Variants in PEX5L observed in about 807,000 individuals in gnomAD.
The protein encoded by PEX5L is PEX5-related protein.
In PEX5L, 30 loss-of-function variants were observed where a neutral mutation model predicts 84.0. The ratio of observed to expected loss-of-function variants is 0.36; its 90% CI spans 0.27 to 0.48. The LOEUF is 0.48. Ranked by LOEUF, PEX5L falls within the 20% of genes least tolerant of loss-of-function variation. The pLI is 0.99. For missense variants in PEX5L, 533 were observed against 754.6 expected (o/e 0.71, Z 3.44); for synonymous variants, 270 against 283.1 (o/e 0.95, Z 0.46).
intron 1 of PEX5L, among the ~76,000 whole-genome samples, chr3:180,034,149 T>A (rs1489901017): frequency 6.6e-6 from 1 of 152,196 alleles, no homozygotes; most frequent in African/African-American, 2.4e-5. Flanking sequence ...TACTTCAAAC[T>A]GCTAATTTAC....
chr3:179,911,205 G>A (rs1453361285), intron 2 of PEX5L, among the ~76,000 whole-genome samples: 4 of 152,160 alleles, frequency 2.6e-5, no homozygotes, highest in Non-Finnish European at 5.9e-5. Flanking sequence ...CAGTTGTCAA[G>A]TGCCTGCCTT....
At chr3:180,027,838 C>T (rs1366085559) in intron 1 of PEX5L, among the ~76,000 whole-genome samples, 2 of 152,098 alleles carry the variant, frequency 1.3e-5, no homozygotes, top group Non-Finnish European at 2.9e-5. Flanking sequence ...TTTTTCATGA[C>T]ATTGATATTT....
At chr3:179,973,070 G>T in intron 1 of PEX5L, 7 of 658,070 alleles carry the variant, frequency 1.1e-5, no homozygotes, top group East Asian at 1.1e-4. Context: ...TATTCTTTTT[G>T]TTCACTGGTT....
chr3:179,801,878 T>C lies in PEX5L; in HGVS notation c.1831A>G (p.Asn611Asp). The C allele has an allele frequency of 2.5e-6, 4 of 1,614,108 alleles. No homozygotes were observed. The highest frequency in any genetic ancestry group is 3.4e-6 in the Non-Finnish European group (4 of 1,179,962). Reference protein sequence around the residue: ...MDQPELFQAANLGDLDVLLRA... With the variant: ...MDQPELFQAADLGDLDVLLRA... Reference sequence around the variant, plus strand: ...AAGAGGACATCCAGGTCACCAAGATTAGCCGCCTGGAAGAGTTCTGGTTGG... The same window carrying C: ...AAGAGGACATCCAGGTCACCAAGATCAGCCGCCTGGAAGAGTTCTGGTTGG... The change falls in exon 15 of 15, where the codon AAT becomes GAT. Residue 611 changes from asparagine to aspartate, a missense_variant. Around this residue, in one of 8 missense-constraint regions of PEX5L, gnomAD observed 105 missense variants for 204.6 expected, o/e 0.51. Coordinates refer to ENST00000467460, the MANE Select transcript of PEX5L (RefSeq NM_016559.3).
chr3:179,816,095 A>G, intron 9 of PEX5L, 91 bp from the exon 10 acceptor site: 11 of 1,267,650 alleles, frequency 8.7e-6, no homozygotes, highest in Middle Eastern at 1.9e-4. Flanking sequence ...TCAGGAAACA[A>G]CAGATGCTGG....
At chr3:179,893,759 G>A (rs1348031432) in intron 3 of PEX5L, among the ~76,000 whole-genome samples, 1 of 152,060 alleles carries the variant, frequency 6.6e-6, no homozygotes, top group Non-Finnish European at 1.5e-5. Context: ...AAGCTAATAA[G>A]TTTAAAACAG....
intron 8 of PEX5L, among the ~76,000 whole-genome samples, chr3:179,852,089 C>G (rs550093063): frequency 3.3e-5 from 5 of 152,142 alleles, no homozygotes; most frequent in Admixed American, 6.5e-5. Context: ...TCAAGCAACA[C>G]GCGTTTACTA....
At chr3:180,011,943 A>C (rs148674366) in intron 1 of PEX5L, among the ~76,000 whole-genome samples, 124 of 152,350 alleles carry the variant, frequency 8.1e-4, no homozygotes, top group African/African-American at 2.9e-3. Flanking sequence ...AGCACTGACT[A>C]TCTGAGATGA....
chr3:179,814,983 CT>C (rs2108861334), intron 10 of PEX5L, among the ~76,000 whole-genome samples: 1 of 152,324 alleles, frequency 6.6e-6, no homozygotes, highest in East Asian at 1.9e-4. Flanking sequence ...TGCCCCCACC[CT>C]GGCTTCACTT....
intron 11 of PEX5L, 137 bp downstream of exon 11, chr3:179,811,664 A>G: frequency 1.4e-6 from 1 of 696,900 alleles, no homozygotes; most frequent in Non-Finnish European, 2.6e-6. Context: ...AGTGTGAGTG[A>G]TATGCGGTAT....
chr3:179,875,535 C>T (rs113442731), intron 5 of PEX5L, 58 bp from the exon 6 acceptor site: 28 of 566,000 alleles, frequency 4.9e-5, no homozygotes, highest in Middle Eastern at 3.2e-4. Flanking sequence ...GTAGGGGGAG[C>T]GGTGGCGGGG....
chr3:179,835,815 A>G (rs1229785793), intron 8 of PEX5L, among the ~76,000 whole-genome samples: 2 of 152,322 alleles, frequency 1.3e-5, no homozygotes, highest in Admixed American at 1.3e-4. Flanking sequence ...TAAATTAGGG[A>G]TCACTGAAAT....
intron 1 of PEX5L, among the ~76,000 whole-genome samples, chr3:180,000,896 G>C (rs1464010852): frequency 6.6e-6 from 1 of 152,174 alleles, no homozygotes; most frequent in East Asian, 1.9e-4. Context: ...CAGGAGATAT[G>C]TGTGGGTTCA....
chr3:179,968,646 G>A (rs1281862401), intron 2 of PEX5L, among the ~76,000 whole-genome samples: 3 of 151,632 alleles, frequency 2.0e-5, no homozygotes, highest in Non-Finnish European at 2.9e-5. Flanking sequence ...GGAGATTTCT[G>A]GTGGAAAATA....
rs1371010564 is a variant in PEX5L, at chr3:179,797,760, TGTGCACGTGTAATAATTTCTAAAATAAGA to T, written c.*4039_*4067del. ...TATTTTACAAGGTTGAAATCATAAG[TGTGCACGTGTAATAATTTCTAAAATAAGA>T]GGGTTCAAAAAGGATGGCATATAAA... On this transcript the variant is annotated 3_prime_UTR_variant, in exon 15 of 15. Transcript: ENST00000467460. 3.6e-4 allele frequency: 54 copies of T among 151,982 alleles called. No homozygotes were observed. The highest frequency in any genetic ancestry group is 1.3e-3 in the African/African-American group (53 of 41,478). 9.4% of individuals were successfully genotyped at this position (151,982 alleles called of 1,614,324 possible).
At chr3:179,971,435 GC>G (rs1293468021) in intron 2 of PEX5L, among the ~76,000 whole-genome samples, 158 bp downstream of exon 2, 6 of 152,070 alleles carry the variant, frequency 3.9e-5, no homozygotes, top group Admixed American at 6.6e-5. Context: ...TGGATCAGAG[GC>G]ATCATATGGA....
In PEX5L at chr3:180,015,209, C is replaced by T. The variant is rs937071721; in HGVS notation, c.21+21370G>A. Among the ~76,000 whole-genome samples the T allele has an allele frequency of 6.6e-5, 10 of 152,146 alleles. 1 individual carries two copies. Among genetic ancestry groups the T allele is most frequent in the Non-Finnish European group, 2.9e-5 (2 of 68,032 alleles). On this transcript the variant is annotated intron_variant, in intron 1 of 14. Transcript: ENST00000467460. ...AACCCCTTGAGGACAGGAACCACAC[C>T]TCATTCATCTTTGTATCCCTTCCTG...
chr3:180,007,674 C>T (rs1789040788), intron 1 of PEX5L, among the ~76,000 whole-genome samples: 1 of 152,224 alleles, frequency 6.6e-6, no homozygotes, highest in Admixed American at 6.5e-5. Flanking sequence ...GCAGAGGTTC[C>T]CAAACCTCAA....
chr3:179,822,106 C>G (rs1728730983), intron 8 of PEX5L, among the ~76,000 whole-genome samples: 1 of 152,190 alleles, frequency 6.6e-6, no homozygotes, highest in South Asian at 2.1e-4. Context: ...TTTAACCTGT[C>G]TGCAGTAGAA....
Sources: allele counts gnomAD v4.1 joint callset (sites outside exome capture counted in the v4.1 genomes callset), GRCh38; gene constraint gnomAD v4.1.1; regional missense constraint gnomAD v4.1.1; transcripts MANE v1.5; gene names NCBI Gene and HGNC (gene_info 2026-07-23, HGNC 2026-07-21).